Variants in SPINK5 observed in about 807,000 individuals in gnomAD.
SPINK5 encodes the protein serine protease inhibitor Kazal-type 5.
In SPINK5, 125 loss-of-function variants were observed where a neutral mutation model predicts 151.8. That is an observed-to-expected ratio of 0.82 (90% CI 0.71 to 0.96). The LOEUF is 0.96. Ranked by LOEUF, SPINK5 falls within the 40% of genes least tolerant of loss-of-function variation. The pLI is 0.00. For missense variants in SPINK5, 1,194 were observed against 1,291.9 expected (o/e 0.92, Z 1.16); for synonymous variants, 374 against 395.3 (o/e 0.95, Z 0.64).
At chr5:148,080,473 C>G (rs1026122181) in intron 4 of SPINK5, among the ~76,000 whole-genome samples, 12 of 151,374 alleles carry the variant, frequency 7.9e-5, no homozygotes, top group African/African-American at 2.9e-4. Context: ...GTGATCATAA[C>G]AGCGTGCCGT....
intron 2 of SPINK5, among the ~76,000 whole-genome samples, chr5:148,067,213 G>T (rs1752608213): frequency 6.6e-6 from 1 of 152,158 alleles, no homozygotes; most frequent in African/African-American, 2.4e-5. Context: ...GGCAGCTCCT[G>T]GAGGGTTTTA....
chr5:148,108,500 TAAG>T (rs1753837315), intron 17 of SPINK5, among the ~76,000 whole-genome samples: 1 of 152,106 alleles, frequency 6.6e-6, no homozygotes, highest in Non-Finnish European at 1.5e-5. Context: ...GTACAAAAAA[TAAG>T]ATCACCTGAG....
chr5:148,068,554 CAAAAAAAAA>C (rs1166912306), intron 2 of SPINK5, among the ~76,000 whole-genome samples: 3 of 89,232 alleles, frequency 3.4e-5, no homozygotes, highest in East Asian at 2.9e-4. Context: ...CCTGCCTCTC[CAAAAAAAAA>C]AAAAAAAAAA....
chr5:148,136,202 G>A (rs1433342923), intron 32 of SPINK5, among the ~76,000 whole-genome samples: 1 of 152,082 alleles, frequency 6.6e-6, no homozygotes, highest in African/African-American at 2.4e-5. Context: ...TTGCTATATT[G>A]GAAGGAAATT....
chr5:148,081,593 T>C (rs1467478031), intron 4 of SPINK5, among the ~76,000 whole-genome samples: 1 of 151,550 alleles, frequency 6.6e-6, no homozygotes, highest in East Asian at 2.0e-4. Flanking sequence ...AAATGTTTAA[T>C]GATTGCTTGA....
At chr5:148,079,783 C>G (rs1341753068) in intron 4 of SPINK5, among the ~76,000 whole-genome samples, 4 of 151,020 alleles carry the variant, frequency 2.6e-5, no homozygotes, top group Admixed American at 2.6e-4. Context: ...CTGTGAAAAA[C>G]CTACAACTAA....
intron 6 of SPINK5, chr5:148,089,214 T>C (rs1249784638): frequency 1.9e-6 from 1 of 523,276 alleles, no homozygotes; most frequent in African/African-American, 1.9e-5. Context: ...TTTTATCACC[T>C]AGGAGATTGG....
rs576610800 is a variant in SPINK5, at chr5:148,116,297, A to G, written c.2016-73A>G. On this transcript the variant is annotated intron_variant, in intron 21 of 32. Transcript: ENST00000256084. Reference sequence around the variant, plus strand: ...TGTACATATGTGATTTGTTCATATAATGAGAAACTCAAAGAAATGCACACC... The same window carrying G: ...TGTACATATGTGATTTGTTCATATAGTGAGAAACTCAAAGAAATGCACACC... The G allele has an allele frequency of 4.0e-5, 59 of 1,469,740 alleles. No individual in the cohort carries two copies. The Admixed American group carries it at 8.1e-4, about 20-fold the overall frequency. 91.0% of individuals were successfully genotyped at this position (1,469,740 alleles called of 1,614,324 possible). A position where few individuals can be genotyped will look rare whatever the true frequency, so the allele number is the denominator to read the frequency against.
At chr5:148,070,536 T>G (rs1752711349) in intron 3 of SPINK5, 86 bp downstream of exon 3, 2 of 1,558,328 alleles carry the variant, frequency 1.3e-6, no homozygotes, top group African/African-American at 2.7e-5. Flanking sequence ...TTCTTTCAAG[T>G]GCATTTTTCT....
At chr5:148,130,092 T>G (rs1334094425) in intron 30 of SPINK5, among the ~76,000 whole-genome samples, 1 of 151,978 alleles carries the variant, frequency 6.6e-6, no homozygotes, top group African/African-American at 2.4e-5. Context: ...TTACTTATTT[T>G]AAAAAATTTT....
At chr5:148,089,467 T>C in intron 6 of SPINK5, 27 bp from the exon 7 acceptor site, 1 of 1,602,852 alleles carries the variant, frequency 6.2e-7, no homozygotes, top group Non-Finnish European at 8.5e-7. Context: ...TCTTGGTAAG[T>C]TTCAAGTTCT....
chr5:148,131,092 T>A (rs1754557836), intron 30 of SPINK5, among the ~76,000 whole-genome samples, 167 bp from the exon 31 acceptor site: 2 of 152,214 alleles, frequency 1.3e-5, no homozygotes, highest in South Asian at 4.1e-4. Context: ...GGAAGTTAAA[T>A]CCACCTCATA....
At chr5:148,097,718 G>A (rs910719296) in intron 10 of SPINK5, 149 bp from the exon 11 acceptor site, 2 of 677,810 alleles carry the variant, frequency 3.0e-6, no homozygotes, top group African/African-American at 1.8e-5. Flanking sequence ...ATATTACAAG[G>A]AGAGAAATAT....
intron 4 of SPINK5, among the ~76,000 whole-genome samples, chr5:148,081,172 A>G (rs1287482050): frequency 1.3e-5 from 2 of 151,664 alleles, no homozygotes; most frequent in Admixed American, 1.3e-4. Context: ...AGATCGGGGT[A>G]ATATACAAGG....
In SPINK5 at chr5:148,131,148, C is replaced by G. The variant is rs1418887167; in HGVS notation, c.2965-111C>G. 7 of 1,391,042 alleles carry G rather than the reference C, an allele frequency of 5.0e-6. No individual in the cohort carries two copies. In the East Asian group the frequency reaches 1.4e-4, roughly 27 times the overall value. 86.2% of individuals were successfully genotyped at this position (1,391,042 alleles called of 1,614,324 possible). On this transcript the variant is annotated intron_variant, in intron 30 of 32. Coordinates refer to ENST00000256084, the MANE Select transcript of SPINK5 (RefSeq NM_006846.4). ...AGTTTGAATAACATATATCACACTC[C>G]TTTTACAACCATTTATTCAAGTTGG...
At chr5:148,079,154 A>C (rs1219183382) in intron 4 of SPINK5, among the ~76,000 whole-genome samples, 1 of 151,066 alleles carries the variant, frequency 6.6e-6, no homozygotes. Context: ...ATATTATGCC[A>C]CCACATTAAA....
chr5:148,118,468 A>G lies in SPINK5; in HGVS notation c.2144A>G (p.Lys715Arg). Residue 715 changes from lysine to arginine, a missense_variant, in exon 23 of 33, where the codon AAA (lysine) becomes AGA (arginine). Physicochemically the swap from Lys to Arg is conservative, Grantham distance 26 (BLOSUM62 2). Coordinates refer to ENST00000256084, the MANE Select transcript of SPINK5 (RefSeq NM_006846.4). ...TGTGCTGAGTATCGGGAACAAATGAAAAATGGAAGACTCAGCTGTACTCGG... is the reference window on the plus strand; with the variant it reads ...TGTGCTGAGTATCGGGAACAAATGAGAAATGGAAGACTCAGCTGTACTCGG... The part of the protein sequence containing the change: ...DECAEYREQM[K>R]NGRLSCTRES... The G allele has an allele frequency of 1.2e-6, 2 of 1,614,196 alleles. No individual in the cohort carries two copies. The highest frequency in any genetic ancestry group is 2.2e-5 in the East Asian group (1 of 44,876).
At chr5:148,131,221 G>A (rs1302180183) in intron 30 of SPINK5, 38 bp from the exon 31 acceptor site, 1 of 1,611,756 alleles carries the variant, frequency 6.2e-7, no homozygotes, top group Non-Finnish European at 8.5e-7. Flanking sequence ...CTTCTTGAAT[G>A]CCATAAAGTA....
chr5:148,100,318 T>C, intron 12 of SPINK5, 136 bp from the exon 13 acceptor site: 4 of 982,798 alleles, frequency 4.1e-6, no homozygotes, highest in Non-Finnish European at 6.1e-6. Flanking sequence ...AATTGAATTT[T>C]ACATTTGAGA....
Sources: gnomAD v4.1 joint callset for allele counts (sites outside exome capture counted in the v4.1 genomes callset) on GRCh38, gnomAD v4.1.1 for gene constraint, MANE v1.5 for transcripts, NCBI Gene and HGNC (gene_info 2026-07-23, HGNC 2026-07-21) for gene names.